HTR1F: variants seen among roughly 807,000 people sequenced by gnomAD.
The protein encoded by HTR1F is 5-hydroxytryptamine (serotonin) receptor 1F, G protein-coupled.
In HTR1F, 17 loss-of-function variants were observed where a neutral mutation model predicts 24.0. That is an observed-to-expected ratio of 0.71 (90% confidence interval 0.48 to 1.06). The LOEUF (loss-of-function observed/expected upper bound fraction) is 1.06. Among genes scored for constraint, HTR1F ranks in the 50% least tolerant of loss-of-function variants. The pLI, the probability that HTR1F is intolerant of heterozygous loss-of-function variation, is 0.00. For missense variants in HTR1F, 391 were observed against 427.8 expected, an observed-to-expected ratio of 0.91 and a Z score of 0.76; for synonymous variants, 186 against 156.8, an observed-to-expected ratio of 1.19 and a Z score of -1.39.
chr3:87,887,132 A>T lies in HTR1F; in HGVS notation c.-43+65008A>T, dbSNP rs572206712. Among the ~76,000 whole-genome samples, 805 of 152,312 alleles carry T rather than the reference A, an allele frequency of 5.3e-3. 6 individuals are homozygous for T. Among genetic ancestry groups the T allele is most frequent in the African/African-American group, 0.018 (762 of 41,552 alleles). ...GGGACTGATACCAAAACAAACATAC[A>T]GACCAATGGAACAGAACAGAGGCCT... On this transcript the variant is annotated intron_variant, in intron 2 of 2. Coordinates refer to ENST00000319595, the MANE Select transcript of HTR1F (RefSeq NM_001322209.2).
intron 2 of HTR1F, among the ~76,000 whole-genome samples, chr3:87,956,746 G>C (rs551760936): frequency 7.3e-4 from 111 of 151,294 alleles, no homozygotes; most frequent in African/African-American, 2.4e-3. Context: ...AGTGTTCTTA[G>C]ATATGACTTT....
intron 2 of HTR1F, among the ~76,000 whole-genome samples, chr3:87,941,550 A>G (rs1208226450): frequency 6.6e-6 from 1 of 152,194 alleles, no homozygotes. Context: ...GTACTGAAGG[A>G]CAAGAGAGTC....
intron 2 of HTR1F, among the ~76,000 whole-genome samples, chr3:87,868,091 T>C (rs1337375496): frequency 6.6e-6 from 1 of 152,126 alleles, no homozygotes; most frequent in Non-Finnish European, 1.5e-5. Context: ...CTCTCTTCCA[T>C]ATTAGTTAAC....
intron 2 of HTR1F, among the ~76,000 whole-genome samples, chr3:87,929,612 A>G (rs1255156346): frequency 6.6e-6 from 1 of 152,066 alleles, no homozygotes; most frequent in Non-Finnish European, 1.5e-5. Context: ...ATGGTTGTAA[A>G]TGTGTAGACC....
intron 2 of HTR1F, among the ~76,000 whole-genome samples, chr3:87,876,282 A>C (rs986688932): frequency 7.2e-5 from 11 of 152,292 alleles, no homozygotes; most frequent in African/African-American, 2.6e-4. Context: ...TGAAAACAGG[A>C]TCTTGAAGAG....
At chr3:87,794,308 C>T (rs893322947) in intron 1 of HTR1F, among the ~76,000 whole-genome samples, 1 of 152,180 alleles carries the variant, frequency 6.6e-6, no homozygotes, top group African/African-American at 2.4e-5. Flanking sequence ...CACTTCGTGC[C>T]TTCCCTAAGG....
intron 2 of HTR1F, among the ~76,000 whole-genome samples, chr3:87,924,322 G>A (rs1329843355): frequency 6.6e-6 from 1 of 151,984 alleles, no homozygotes; most frequent in Non-Finnish European, 1.5e-5. Flanking sequence ...TTATTGATAG[G>A]TTAAGACTTG....
intron 2 of HTR1F, among the ~76,000 whole-genome samples, chr3:87,951,019 T>C (rs1309497637): frequency 6.6e-6 from 1 of 152,160 alleles, no homozygotes; most frequent in African/African-American, 2.4e-5. Flanking sequence ...GATTTCATCC[T>C]GGTATCTGCA....
intron 2 of HTR1F, among the ~76,000 whole-genome samples, chr3:87,920,547 G>A (rs979924401): frequency 4.0e-5 from 6 of 151,878 alleles, no homozygotes; most frequent in East Asian, 3.9e-4. Context: ...ATCATGACAC[G>A]TAAAACAGTA....
At chr3:87,941,488 T>C (rs1403196964) in intron 2 of HTR1F, among the ~76,000 whole-genome samples, 2 of 152,102 alleles carry the variant, frequency 1.3e-5, no homozygotes, top group African/African-American at 4.8e-5. Flanking sequence ...AGCGCTTGGG[T>C]GGCTTGATGG....
chr3:87,987,970 AAGAG>A (rs1185898745), intron 2 of HTR1F, among the ~76,000 whole-genome samples: 1 of 151,600 alleles, frequency 6.6e-6, no homozygotes, highest in Non-Finnish European at 1.5e-5. Flanking sequence ...GACAAAAGTC[AAGAG>A]AGAGAAACTC....
At chr3:87,890,736 A>G (rs1325215493) in intron 2 of HTR1F, among the ~76,000 whole-genome samples, 5 of 152,148 alleles carry the variant, frequency 3.3e-5, no homozygotes, top group Admixed American at 6.5e-5. Flanking sequence ...GTTGTTTCAA[A>G]TTATTCCAAA....
At chr3:87,827,548 C>T (rs1397508721) in intron 2 of HTR1F, among the ~76,000 whole-genome samples, 1 of 152,090 alleles carries the variant, frequency 6.6e-6, no homozygotes, top group East Asian at 1.9e-4. Context: ...CTCTCATTTG[C>T]ATGAAAATAG....
intron 2 of HTR1F, among the ~76,000 whole-genome samples, chr3:87,962,600 C>G (rs1705085590): frequency 6.6e-6 from 1 of 151,870 alleles, no homozygotes; most frequent in Admixed American, 6.6e-5. Flanking sequence ...GAGATGTTTT[C>G]CTTTTATGTT....
At chr3:87,951,815 C>T (rs1704840425) in intron 2 of HTR1F, among the ~76,000 whole-genome samples, 1 of 152,052 alleles carries the variant, frequency 6.6e-6, no homozygotes, top group Non-Finnish European at 1.5e-5. Flanking sequence ...TAAAAATCCT[C>T]TATACTCTGC....
chr3:87,829,876 A>T (rs577485664), intron 2 of HTR1F, among the ~76,000 whole-genome samples: 15 of 152,360 alleles, frequency 9.8e-5, no homozygotes, highest in African/African-American at 1.4e-4. Flanking sequence ...GATATGCTCA[A>T]TTAGAGCCAG....
At chr3:87,941,596 C>T (rs1002827137) in intron 2 of HTR1F, among the ~76,000 whole-genome samples, 1 of 152,142 alleles carries the variant, frequency 6.6e-6, no homozygotes, top group Non-Finnish European at 1.5e-5. Context: ...TGGGATAATG[C>T]CTGGCCAAAT....
chr3:87,794,308 C>A (rs893322947), intron 1 of HTR1F, among the ~76,000 whole-genome samples: 1 of 152,180 alleles, frequency 6.6e-6, no homozygotes, highest in African/African-American at 2.4e-5. Flanking sequence ...CACTTCGTGC[C>A]TTCCCTAAGG....
At chr3:87,979,919 G>GA (rs1214774230) in intron 2 of HTR1F, among the ~76,000 whole-genome samples, 1 of 152,248 alleles carries the variant, frequency 6.6e-6, no homozygotes, top group African/African-American at 2.4e-5. Context: ...GGAGAATGCA[G>GA]TAGCACCTGG....
Sources: allele counts gnomAD v4.1 joint callset (sites outside exome capture counted in the v4.1 genomes callset), GRCh38; gene constraint gnomAD v4.1.1; transcripts MANE v1.5; gene names NCBI Gene and HGNC (gene_info 2026-07-23, HGNC 2026-07-21).